LUC7L: variants seen among roughly 807,000 people sequenced by gnomAD.
LUC7L encodes the protein putative RNA-binding protein Luc7-like 1.
In LUC7L, 29 loss-of-function variants were observed where a neutral mutation model predicts 51.1. That is an observed-to-expected ratio of 0.57 (90% CI 0.42 to 0.77). The LOEUF is 0.77. Among genes scored for constraint, LUC7L ranks in the 30% least tolerant of loss-of-function variants. The pLI, the probability that LUC7L is intolerant of heterozygous loss-of-function variation, is 0.00. For synonymous variants in LUC7L, 181 were observed against 180.7 expected (o/e 1.00, Z -0.01); for missense variants, 403 against 511.9 (o/e 0.79, Z 2.05).
chr16:218,347 A>ACTAACCCCTCTACT (rs1453654725), intron 3 of LUC7L, among the ~76,000 whole-genome samples: 5 of 152,216 alleles, frequency 3.3e-5, no homozygotes, highest in African/African-American at 1.2e-4. Context: ...GAATGGCATC[A>ACTAACCCCTCTACT]AACCCCTCTA....
At chr16:199,807 T>C (rs759523533) in intron 5 of LUC7L, among the ~76,000 whole-genome samples, 3 of 147,864 alleles carry the variant, frequency 2.0e-5, no homozygotes, top group Non-Finnish European at 4.4e-5. Context: ...CTGGCCAACT[T>C]TGTGAAACCC....
At chr16:199,310 A>G in intron 5 of LUC7L, 72 bp from the exon 6 acceptor site, 1 of 977,642 alleles carries the variant, frequency 1.0e-6, no homozygotes, top group Non-Finnish European at 1.5e-6. Context: ...CTCCAAAATG[A>G]AAATATTTGA....
chr16:218,189 G>A (rs564735276), intron 3 of LUC7L, among the ~76,000 whole-genome samples: 22 of 150,890 alleles, frequency 1.5e-4, no homozygotes, highest in South Asian at 1.0e-3. Flanking sequence ...GTGACACTCC[G>A]TCTCAAAAAA....
chr16:226,640 CAA>C (rs2050140493), intron 2 of LUC7L, among the ~76,000 whole-genome samples: 1 of 152,142 alleles, frequency 6.6e-6, no homozygotes, highest in Non-Finnish European at 1.5e-5. Context: ...CTTGCTAGAT[CAA>C]AAGTTTTCCA....
At chr16:228,451 A>C (rs1257260538) in intron 1 of LUC7L, 1 of 1,255,486 alleles carries the variant, frequency 8.0e-7, no homozygotes, top group Non-Finnish European at 1.0e-6. Flanking sequence ...TGTATGAAAT[A>C]AAAATATGGG....
intron 4 of LUC7L, among the ~76,000 whole-genome samples, chr16:206,890 TAAAAAAA>T (rs67775388): frequency 1.0e-5 from 1 of 99,566 alleles, no homozygotes; most frequent in African/African-American, 3.8e-5. Context: ...CCATCTTTAT[TAAAAAAA>T]AAAAAAAAAA....
chr16:229,221 C>T (rs760316777), intron 1 of LUC7L, 58 bp downstream of exon 1: 2 of 1,509,226 alleles, frequency 1.3e-6, no homozygotes, highest in African/African-American at 1.4e-5. Flanking sequence ...TCAGGCCGCC[C>T]GGCGGCCTCG....
Position 206,023 on chromosome 16 carries a change from G to C in LUC7L, c.491C>G (p.Ala164Gly). The stretch of plus-strand genomic sequence containing the variant: ...ACCAACCTCAGCTTCTTTTTTCTTC[G>C]CACGAACTTTTTCCACTTCCATAAG... Reference protein sequence around the residue: ...KILMEVEKVRAKKKEAEEEYR... With the variant: ...KILMEVEKVRGKKKEAEEEYR... The change falls in exon 5 of 10, where the codon GCG (alanine) becomes GGG (glycine). Residue 164 changes from alanine (A) to glycine (G), a missense_variant. Around this residue, in one of 3 missense-constraint regions of LUC7L, gnomAD observed 182 missense variants for 248.4 expected, o/e 0.73. Coordinates refer to ENST00000293872, the MANE Select transcript of LUC7L (RefSeq NM_201412.3). 1.9e-6 allele frequency: 3 copies of C among 1,610,882 alleles called. No individual in the cohort carries two copies. The highest frequency in any genetic ancestry group is 2.5e-6 in the Non-Finnish European group (3 of 1,179,300).
chr16:229,281 T>C lies in LUC7L; in HGVS notation c.59A>G (p.Asp20Gly). The change falls in exon 1 of 10, where the codon GAC becomes GGC. Residue 20 changes from aspartate (D) to glycine (G), a missense_variant and splice_region_variant. This residue lies in a region of LUC7L where 182 missense variants were observed against 248.4 expected (regional missense o/e 0.73). Transcript: ENST00000293872. ...LLDQLMGTAR[D>G]GDETRQRVKF... ...CCTGGTTGGCCGCTCTGACTCACCG[T>C]CCCGAGCCGTGCCCATGAGCTGGTC... 6.5e-7 allele frequency: 1 copy of C among 1,536,892 alleles called. No individual in the cohort carries two copies.
chr16:190,116 G>A lies in LUC7L; in HGVS notation c.826C>T (p.Arg276Cys), dbSNP rs1346788701. 4.3e-6 allele frequency: 7 copies of A among 1,611,494 alleles called. No homozygotes were observed. The highest frequency in any genetic ancestry group is 2.7e-5 in the African/African-American group (2 of 74,852). ...DRRRSRSRDR[R>C]RRRSRSTSRE... ...GAGGTAGATCTTGACCGCCTCCGAC[G>A]CCGATCCCGGGAGCGTGACCTGAAC... Residue 276 changes from arginine (R) to cysteine (C), a missense_variant, in exon 9 of 10, where the codon CGT becomes TGT. Around this residue, in one of 3 missense-constraint regions of LUC7L, gnomAD observed 206 missense variants for 218.3 expected, o/e 0.94. Transcript: ENST00000293872.
intron 3 of LUC7L, among the ~76,000 whole-genome samples, chr16:211,293 T>C (rs544573732): frequency 6.6e-6 from 1 of 152,212 alleles, no homozygotes; most frequent in South Asian, 2.1e-4. Flanking sequence ...TGGGAAACAC[T>C]AAAAGAACTA....
chr16:215,347 G>A (rs546997321), intron 3 of LUC7L, among the ~76,000 whole-genome samples: 11 of 152,016 alleles, frequency 7.2e-5, no homozygotes, highest in East Asian at 1.9e-4. Context: ...TGGGCCGGGC[G>A]CGGTGGCTCA....
Position 215,883 on chromosome 16 carries a change from ATTTTTT to A in LUC7L, c.255+4760_255+4765del, listed in dbSNP as rs533473127. ...CTCCACCACACCCAGCTAATTTTCT[ATTTTTT>A]TTCTAGAAACATGTTCTTCAGGCAA... is the stretch of plus-strand genomic sequence containing the variant. On this transcript the variant is annotated intron_variant, in intron 3 of 9. Coordinates refer to ENST00000293872, the MANE Select transcript of LUC7L (RefSeq NM_201412.3). 7.0e-3 allele frequency among the ~76,000 whole-genome samples: 1,057 copies of A among 151,682 alleles called. 13 individuals are homozygous for A. Among genetic ancestry groups the A allele is most frequent in the African/African-American group, 0.025 (1,015 of 41,356 alleles).
chr16:206,252 G>A, intron 4 of LUC7L, 105 bp from the exon 5 acceptor site: 1 of 1,116,726 alleles, frequency 9.0e-7, no homozygotes, highest in Non-Finnish European at 1.3e-6. Context: ...ATAAGTGGAA[G>A]AGCTAAAGAT....
intron 3 of LUC7L, among the ~76,000 whole-genome samples, chr16:217,721 A>T (rs1214252000): frequency 3.4e-5 from 5 of 146,538 alleles, no homozygotes; most frequent in Non-Finnish European, 6.0e-5. Context: ...AAAAAAAAAA[A>T]TTTTTTTTTT....
intron 1 of LUC7L, chr16:228,682 C>A: frequency 8.3e-7 from 1 of 1,199,152 alleles, no homozygotes; most frequent in Non-Finnish European, 1.1e-6. Context: ...TGAGCTCCTC[C>A]CTACACAGTA....
intron 5 of LUC7L, among the ~76,000 whole-genome samples, chr16:204,262 G>A (rs1367090211): frequency 3.3e-5 from 5 of 151,082 alleles, no homozygotes; most frequent in African/African-American, 9.7e-5. Context: ...TGGCCAACAC[G>A]GTGAAACCCC....
chr16:210,987 C>T (rs2049622711), intron 3 of LUC7L, among the ~76,000 whole-genome samples: 2 of 150,352 alleles, frequency 1.3e-5, no homozygotes, highest in South Asian at 4.2e-4. Context: ...GGAGGTAGAG[C>T]TTGCAGTGAG....
chr16:220,564 A>T, intron 3 of LUC7L, 85 bp downstream of exon 3: 1 of 1,021,798 alleles, frequency 9.8e-7, no homozygotes, highest in Admixed American at 1.9e-5. Context: ...ATTTTGCTTC[A>T]TAACTTACGT....
Sources: gnomAD v4.1 joint callset for allele counts (sites outside exome capture counted in the v4.1 genomes callset) on GRCh38, gnomAD v4.1.1 for gene constraint, gnomAD v4.1.1 regional missense constraint, MANE v1.5 for transcripts, NCBI Gene and HGNC (gene_info 2026-07-23, HGNC 2026-07-21) for gene names.